The following GALNTL6 variants were observed in gnomAD, a reference collection of about 807,000 sequenced individuals.
GALNTL6 encodes the protein polypeptide N-acetylgalactosaminyltransferase-like 6.
Under a neutral mutation model 73.7 loss-of-function variants are expected in GALNTL6, and 46 were observed. That is an observed-to-expected ratio of 0.62 (90% CI 0.49 to 0.80). The LOEUF (loss-of-function observed/expected upper bound fraction) is 0.80, where lower values mean the gene tolerates loss of function less well. GALNTL6 is among the 30% of genes least tolerant of loss of function. GALNTL6 has a pLI of 0.00. For synonymous variants in GALNTL6, 259 were observed against 263.7 expected (o/e 0.98, Z 0.17); for missense variants, 604 against 755.0 (o/e 0.80, Z 2.34).
intron 5 of GALNTL6, among the ~76,000 whole-genome samples, chr4:172,393,310 C>T (rs1477244347): frequency 6.6e-6 from 1 of 152,180 alleles, no homozygotes; most frequent in African/African-American, 2.4e-5. Flanking sequence ...TGGGCAACAT[C>T]ACCCCTCCAC....
At chr4:172,395,914 G>A (rs963168066) in intron 5 of GALNTL6, among the ~76,000 whole-genome samples, 2 of 152,030 alleles carry the variant, frequency 1.3e-5, no homozygotes, top group African/African-American at 4.8e-5. Context: ...TAAACCTATG[G>A]AATTCACTGC....
At chr4:171,996,984 C>T (rs76074558) in intron 2 of GALNTL6, among the ~76,000 whole-genome samples, 2,313 of 152,170 alleles carry the variant, frequency 0.015, 61 homozygotes, top group African/African-American at 0.053. Context: ...CATTCTTTGC[C>T]ATCTGTAAGT....
chr4:172,716,793 G>A (rs531976215), intron 5 of GALNTL6, among the ~76,000 whole-genome samples: 3 of 152,282 alleles, frequency 2.0e-5, no homozygotes, highest in African/African-American at 7.2e-5. Context: ...CATCGCTACT[G>A]GTTTAGTAAG....
At chr4:172,546,553 T>C (rs1454849428) in intron 5 of GALNTL6, among the ~76,000 whole-genome samples, 1 of 151,624 alleles carries the variant, frequency 6.6e-6, no homozygotes. Flanking sequence ...GTAGCCATGA[T>C]TGTTTCTTCT....
intron 5 of GALNTL6, among the ~76,000 whole-genome samples, chr4:172,488,533 A>C (rs541324342): frequency 6.6e-6 from 1 of 152,356 alleles, no homozygotes; most frequent in African/African-American, 2.4e-5. Flanking sequence ...AGCCCAGCAC[A>C]GTAAGACAGC....
chr4:172,229,452 T>G (rs1736979566), intron 2 of GALNTL6, among the ~76,000 whole-genome samples: 1 of 152,046 alleles, frequency 6.6e-6, no homozygotes, highest in African/African-American at 2.4e-5. Flanking sequence ...GCAGGAGAGG[T>G]GTGCTCTCAT....
At chr4:172,376,097 C>T (rs1337348597) in intron 5 of GALNTL6, among the ~76,000 whole-genome samples, 1 of 152,176 alleles carries the variant, frequency 6.6e-6, no homozygotes, top group Non-Finnish European at 1.5e-5. Context: ...TCCCCTACAA[C>T]AGGGCTTTGG....
At chr4:172,964,386 T>C (rs2126388026) in intron 10 of GALNTL6, among the ~76,000 whole-genome samples, 1 of 152,340 alleles carries the variant, frequency 6.6e-6, no homozygotes, top group African/African-American at 2.4e-5. Flanking sequence ...TTCCAACCAG[T>C]GCCATAAATT....
chr4:172,729,025 G>A (rs896691575), intron 5 of GALNTL6, among the ~76,000 whole-genome samples: 1 of 152,130 alleles, frequency 6.6e-6, no homozygotes, highest in Non-Finnish European at 1.5e-5. Context: ...CTTCTTTAGG[G>A]AAATGTCTAT....
At chr4:172,727,296 T>TACTGCAC (rs1735875075) in intron 5 of GALNTL6, among the ~76,000 whole-genome samples, 1 of 152,202 alleles carries the variant, frequency 6.6e-6, no homozygotes, top group Non-Finnish European at 1.5e-5. Context: ...TCATATACTT[T>TACTGCAC]ACACCACACA....
intron 5 of GALNTL6, among the ~76,000 whole-genome samples, chr4:172,623,020 A>G (rs1294669203): frequency 6.6e-6 from 1 of 152,150 alleles, no homozygotes; most frequent in African/African-American, 2.4e-5. Context: ...TGTAAACACT[A>G]AGGGCTCCAA....
At chr4:171,825,007 G>T (rs1265590619) in intron 2 of GALNTL6, among the ~76,000 whole-genome samples, 2 of 152,082 alleles carry the variant, frequency 1.3e-5, no homozygotes, top group Admixed American at 1.3e-4. Flanking sequence ...CTATTTTGAT[G>T]ACCTTTCCCC....
At chr4:172,362,343 T>C (rs1742398873) in intron 5 of GALNTL6, among the ~76,000 whole-genome samples, 1 of 151,654 alleles carries the variant, frequency 6.6e-6, no homozygotes. Flanking sequence ...TTAAGTAATT[T>C]ATAAGTGTAT....
In GALNTL6 at chr4:172,268,429, G is replaced by A. The variant is rs114304360; in HGVS notation, c.247+38665G>A. 9.2e-5 allele frequency among the ~76,000 whole-genome samples: 14 copies of A among 152,282 alleles called. No individual in the cohort carries two copies. In the South Asian group the frequency reaches 2.7e-3, roughly 29 times the overall value. ...GTAGCTGAGATAATCCTTCAGTGTCGTCACTTGCTAAAGCAAGGGAATTGG... is the reference window on the plus strand; with the variant it reads ...GTAGCTGAGATAATCCTTCAGTGTCATCACTTGCTAAAGCAAGGGAATTGG... On this transcript the variant is annotated intron_variant, in intron 3 of 12. Coordinates refer to ENST00000506823, the MANE Select transcript of GALNTL6 (RefSeq NM_001034845.3).
intron 5 of GALNTL6, among the ~76,000 whole-genome samples, chr4:172,457,228 CA>C (rs1227586253): frequency 6.6e-6 from 1 of 150,522 alleles, no homozygotes; most frequent in Middle Eastern, 3.2e-3. Flanking sequence ...AAAAAAAACC[CA>C]AAAAAACAGT....
In GALNTL6 at chr4:172,365,926, G is replaced by C. The variant is rs570064897; in HGVS notation, c.553+17237G>C. On this transcript the variant is annotated intron_variant, in intron 5 of 12. Coordinates refer to ENST00000506823, the MANE Select transcript of GALNTL6 (RefSeq NM_001034845.3). ...GTGCAGACCCTGTCAAAAAAAAAAT[G>C]AGATAAGCCTTATATAACTGTAAAA... 2.1e-3 allele frequency among the ~76,000 whole-genome samples: 318 copies of C among 152,074 alleles called. 9 individuals are homozygous for C. The highest frequency in any genetic ancestry group is 4.7e-3 in the Admixed American group (71 of 15,256).
intron 2 of GALNTL6, among the ~76,000 whole-genome samples, chr4:172,111,917 T>C (rs559673892): frequency 6.6e-6 from 1 of 152,140 alleles, no homozygotes; most frequent in South Asian, 2.1e-4. Context: ...AACCTATAAT[T>C]AACACATTAT....
intron 2 of GALNTL6, among the ~76,000 whole-genome samples, chr4:172,088,845 T>A (rs964233107): frequency 3.9e-5 from 6 of 152,172 alleles, no homozygotes; most frequent in Non-Finnish European, 8.8e-5. Context: ...CAGAGAGACC[T>A]TGCAACTATT....
Position 172,092,026 on chromosome 4 carries a change from C to T in GALNTL6, c.139-137630C>T, listed in dbSNP as rs186608190. On this transcript the variant is annotated intron_variant, in intron 2 of 12. Coordinates refer to ENST00000506823, the MANE Select transcript of GALNTL6 (RefSeq NM_001034845.3). ...TTTTGACCCAGTCTAATGACATAAC[C>T]TCATAATTGTCAAAAACCTGTATTT... is the stretch of plus-strand genomic sequence containing the variant. Among the ~76,000 whole-genome samples the T allele has an allele frequency of 6.6e-5, 10 of 152,026 alleles. No individual in the cohort carries two copies. The East Asian group carries it at 7.7e-4, about 12-fold the overall frequency.
Sources: gnomAD v4.1 joint callset for allele counts (sites outside exome capture counted in the v4.1 genomes callset) on GRCh38, gnomAD v4.1.1 for gene constraint, MANE v1.5 for transcripts, NCBI Gene and HGNC (gene_info 2026-07-23, HGNC 2026-07-21) for gene names.